The following PNKD variants were observed in gnomAD, a reference collection of about 807,000 sequenced individuals.
PNKD encodes probable thioesterase PNKD.
In PNKD, 36 loss-of-function variants were observed where a neutral mutation model predicts 45.3. That is an observed-to-expected ratio of 0.80 (90% CI 0.61 to 1.05). PNKD has a LOEUF of 1.05. PNKD is among the 50% of genes least tolerant of loss of function. PNKD has a pLI of 0.00. For synonymous variants in PNKD, 197 were observed against 210.1 expected (o/e 0.94, Z 0.54); for missense variants, 511 against 506.6 (o/e 1.01, Z -0.08).
In PNKD at chr2:218,318,950, C is replaced by CTTTT. The variant is rs769001811; in HGVS notation, c.237-20814_237-20811dup. ...GCACAAATCTTTTCTTTTTTTTTTT[C>CTTTT]TTTTTTTTTTTTTTTTTTTTTTGAG... On this transcript the variant is annotated intron_variant, in intron 2 of 9. Transcript: ENST00000273077. Among the ~76,000 whole-genome samples, 350 of 99,794 alleles carry CTTTT rather than the reference C, an allele frequency of 3.5e-3. 6 individuals carry two copies. Among genetic ancestry groups the CTTTT allele is most frequent in the Non-Finnish European group, 4.5e-3 (239 of 53,558 alleles). The allele number at this position is 99,794 out of a possible 152,430, so 65.5% of individuals were successfully genotyped here.
At chr2:218,282,485 TG>T (rs1293688548) in intron 2 of PNKD, among the ~76,000 whole-genome samples, 1 of 152,222 alleles carries the variant, frequency 6.6e-6, no homozygotes, top group Non-Finnish European at 1.5e-5. Flanking sequence ...GGGAACTCCC[TG>T]TTGTGGTTTA....
At chr2:218,275,621 A>T in intron 2 of PNKD, 2 of 1,609,624 alleles carry the variant, frequency 1.2e-6, no homozygotes, top group Non-Finnish European at 1.7e-6. Flanking sequence ...TAAGCCAGGA[A>T]CTGCAAGGAT....
At chr2:218,272,286 C>T (rs1159693957) in intron 2 of PNKD, among the ~76,000 whole-genome samples, 3 of 152,166 alleles carry the variant, frequency 2.0e-5, no homozygotes, top group African/African-American at 4.8e-5. Context: ...GAGGATCAGG[C>T]TCTAGGCGGG....
At chr2:218,276,901 C>A in intron 2 of PNKD, 1 of 932,128 alleles carries the variant, frequency 1.1e-6, no homozygotes, top group South Asian at 1.4e-5. Flanking sequence ...TTCTGGAGGT[C>A]AGAGCCTGCC....
At position 218,312,621 on chromosome 2, in the gene PNKD, C is replaced by A. The variant is rs556092134; in HGVS notation, c.237-27162C>A. On this transcript the variant is annotated intron_variant, in intron 2 of 9. Transcript: ENST00000273077. ...GGAGGGATGGCTCATGCCTGTAATC[C>A]CAGCACTCTGGGAGGCCAAGGTAGG... is the stretch of plus-strand genomic sequence containing the variant. Among the ~76,000 whole-genome samples the A allele has an allele frequency of 1.7e-4, 26 of 151,864 alleles. No individual in the cohort carries two copies. The South Asian group carries it at 5.2e-3, about 30-fold the overall frequency.
rs569263677 is a variant in PNKD, at chr2:218,271,637, C to T, written c.236+88C>T. ...AGAAACTTCTCCAAGTTTCAGGTGGCGAGCTGAATCCAAAGTTGTGGGAAC... is the reference window on the plus strand; with the variant it reads ...AGAAACTTCTCCAAGTTTCAGGTGGTGAGCTGAATCCAAAGTTGTGGGAAC... On this transcript the variant is annotated intron_variant, in intron 2 of 9. Coordinates refer to ENST00000273077, the MANE Select transcript of PNKD (RefSeq NM_015488.5). 6.8e-5 allele frequency: 80 copies of T among 1,167,900 alleles called. No homozygotes were observed. In the African/African-American group the frequency reaches 9.3e-4, roughly 14 times the overall value. 72.3% of individuals were successfully genotyped at this position (1,167,900 alleles called of 1,614,324 possible).
intron 2 of PNKD, among the ~76,000 whole-genome samples, chr2:218,337,837 G>A (rs1694544237): frequency 6.6e-6 from 1 of 152,148 alleles, no homozygotes; most frequent in Non-Finnish European, 1.5e-5. Context: ...CAAGACACAA[G>A]GTCAAAGATA....
chr2:218,331,477 A>AT (rs1380432164), intron 2 of PNKD, among the ~76,000 whole-genome samples: 3 of 150,656 alleles, frequency 2.0e-5, no homozygotes, highest in African/African-American at 7.3e-5. Flanking sequence ...TTATTTATTT[A>AT]TTTTTTTATT....
At chr2:218,279,877 G>A in intron 2 of PNKD, 3 of 654,814 alleles carry the variant, frequency 4.6e-6, no homozygotes, top group Non-Finnish European at 8.2e-6. Flanking sequence ...GAAGCCAGGT[G>A]CCCCTCTGAG....
intron 2 of PNKD, among the ~76,000 whole-genome samples, chr2:218,315,733 T>A (rs1693792690): frequency 6.6e-6 from 1 of 152,272 alleles, no homozygotes; most frequent in African/African-American, 2.4e-5. Flanking sequence ...GTAGAATTTA[T>A]TTTGGTGGAT....
chr2:218,288,810 A>C (rs1019907898), intron 2 of PNKD, among the ~76,000 whole-genome samples: 2 of 152,110 alleles, frequency 1.3e-5, no homozygotes, highest in African/African-American at 4.8e-5. Context: ...GGGGTGGGTA[A>C]AAGAAAAGGG....
At chr2:218,328,758 C>A (rs1158030572) in intron 2 of PNKD, among the ~76,000 whole-genome samples, 1 of 152,242 alleles carries the variant, frequency 6.6e-6, no homozygotes, top group South Asian at 2.1e-4. Context: ...GTGCCCTTTT[C>A]TCCATGAAGC....
intron 2 of PNKD, among the ~76,000 whole-genome samples, chr2:218,300,551 C>CT (rs60503613): frequency 0.91 from 131,716 of 143,984 alleles, 60,276 homozygotes; most frequent in East Asian, 0.98. Context: ...CTTTTCTTTT[C>CT]TTTTTTTTTT....
At chr2:218,279,149 C>A in intron 2 of PNKD, 1 of 1,607,562 alleles carries the variant, frequency 6.2e-7, no homozygotes, top group Non-Finnish European at 8.5e-7. Context: ...CCCACCCAGG[C>A]CAGCCAGGCA....
At chr2:218,315,094 C>CTCCTTCCTTCCTTCCTTCCT (rs71064434) in intron 2 of PNKD, among the ~76,000 whole-genome samples, 30 of 101,646 alleles carry the variant, frequency 3.0e-4, no homozygotes, top group African/African-American at 1.1e-3. Flanking sequence ...CTCTCTCTCT[C>CTCCTTCCTTCCTTCCTTCCT]TCCTTCCTTC....
intron 2 of PNKD, chr2:218,277,928 G>C (rs770539994): frequency 6.2e-7 from 1 of 1,614,140 alleles, no homozygotes; most frequent in Non-Finnish European, 8.5e-7. Flanking sequence ...CACCCTTCTA[G>C]ACTTACAAAA....
At chr2:218,273,768 A>G (rs1326250415) in intron 2 of PNKD, among the ~76,000 whole-genome samples, 1 of 151,120 alleles carries the variant, frequency 6.6e-6, no homozygotes, top group Non-Finnish European at 1.5e-5. Context: ...AAAGTGCTGG[A>G]GTTACAGGTG....
chr2:218,273,196 G>C (rs1690921584), intron 2 of PNKD, among the ~76,000 whole-genome samples: 1 of 152,034 alleles, frequency 6.6e-6, no homozygotes, highest in South Asian at 2.1e-4. Context: ...AGGGTGTGGA[G>C]GCAAAAAAAA....
At chr2:218,343,831 C>A (rs1244740532) in intron 8 of PNKD, among the ~76,000 whole-genome samples, 1 of 152,228 alleles carries the variant, frequency 6.6e-6, no homozygotes, top group Admixed American at 6.5e-5. Context: ...CTCTTGGGAG[C>A]CTTGCAGGCC....
Sources: gnomAD v4.1 joint callset for allele counts (sites outside exome capture counted in the v4.1 genomes callset) on GRCh38, gnomAD v4.1.1 for gene constraint, MANE v1.5 for transcripts, NCBI Gene and HGNC (gene_info 2026-07-23, HGNC 2026-07-21) for gene names.